HYDIN: variants seen among roughly 807,000 people sequenced by gnomAD.
HYDIN encodes axonemal central pair apparatus protein HYDIN.
Under a neutral mutation model 403.9 loss-of-function variants are expected in HYDIN, and 132 were observed. The observed-to-expected ratio is 0.33, with a 90% CI of 0.28 to 0.38. The LOEUF (loss-of-function observed/expected upper bound fraction) is 0.38. Among genes scored for constraint, HYDIN ranks in the 10% least tolerant of loss-of-function variants. HYDIN has a pLI of 1.00. For missense variants in HYDIN, 2,827 were observed against 5,009.5 expected (o/e 0.56, Z 13.15); for synonymous variants, 1,202 against 1,891.7 (o/e 0.64, Z 9.46).
At chr16:71,157,163 A>G (rs2085804409) in intron 6 of HYDIN, among the ~76,000 whole-genome samples, 1 of 151,792 alleles carries the variant, frequency 6.6e-6, no homozygotes, top group Admixed American at 6.6e-5. Flanking sequence ...TCACATTCGA[A>G]TAAGGGTAAC....
intron 78 of HYDIN, among the ~76,000 whole-genome samples, chr16:70,835,115 G>C (rs1323994787): frequency 6.7e-6 from 1 of 149,740 alleles, no homozygotes; most frequent in African/African-American, 2.5e-5. Context: ...CTCTGCCTCA[G>C]CCTCCTGAAT....
chr16:71,039,062 G>A (rs1052274258), intron 18 of HYDIN, among the ~76,000 whole-genome samples: 24 of 152,090 alleles, frequency 1.6e-4, no homozygotes, highest in Non-Finnish European at 3.1e-4. Context: ...AAGAAATGGT[G>A]TAGAGCTTTA....
At chr16:71,207,531 C>G (rs1567453295) in intron 1 of HYDIN, among the ~76,000 whole-genome samples, 1 of 152,156 alleles carries the variant, frequency 6.6e-6, no homozygotes. Flanking sequence ...TCATAATAAC[C>G]AGCTAACTAT....
intron 23 of HYDIN, among the ~76,000 whole-genome samples, chr16:70,999,875 C>G (rs182398813): frequency 1.3e-5 from 2 of 152,304 alleles, no homozygotes; most frequent in Admixed American, 1.3e-4. Context: ...TGCCCAGAAT[C>G]TACCTCGAAG....
intron 20 of HYDIN, among the ~76,000 whole-genome samples, chr16:71,026,905 A>G (rs1283690787): frequency 6.6e-6 from 1 of 152,064 alleles, no homozygotes; most frequent in African/African-American, 2.4e-5. Context: ...ATCTTAAGCA[A>G]GCATCATTTC....
intron 50 of HYDIN, among the ~76,000 whole-genome samples, chr16:70,906,537 G>A (rs74027005): frequency 4.9e-4 from 74 of 152,084 alleles, no homozygotes; most frequent in African/African-American, 1.7e-3. Flanking sequence ...TGCCATTGAT[G>A]GCCCTTCCCA....
chr16:70,886,188 G>A (rs1194348179), intron 58 of HYDIN, among the ~76,000 whole-genome samples: 6 of 152,006 alleles, frequency 3.9e-5, no homozygotes, highest in East Asian at 1.9e-4. Context: ...ACAGCTACCC[G>A]GAACAGCAAG....
rs957563293 is a variant in HYDIN, at chr16:71,178,938, T to C, written c.371A>G (p.Asn124Ser). Residue 124 changes from asparagine to serine, a missense_variant, in exon 4 of 86, where the codon AAC becomes AGC. Coordinates refer to ENST00000393567, the MANE Select transcript of HYDIN (RefSeq NM_001270974.2). ...AGTGAACATACTCACTTTGTCATTGTTCCTCAAAATCAGTGGAACTTCATA... is the reference window on the plus strand; with the variant it reads ...AGTGAACATACTCACTTTGTCATTGCTCCTCAAAATCAGTGGAACTTCATA... Reference protein sequence around the residue: ...EVYEVPLILRNNDKIPRLVKV... With the variant: ...EVYEVPLILRSNDKIPRLVKV... 21 of 1,611,896 alleles carry C rather than the reference T, an allele frequency of 1.3e-5. No individual in the cohort carries two copies. The highest frequency in any genetic ancestry group is 1.8e-5 in the Non-Finnish European group (21 of 1,179,006).
intron 1 of HYDIN, among the ~76,000 whole-genome samples, chr16:71,229,463 T>G (rs113291479): frequency 3.9e-5 from 6 of 152,334 alleles, no homozygotes; most frequent in African/African-American, 1.4e-4. Context: ...TATGGGAATA[T>G]TTATAACAGT....
At chr16:70,941,609 G>A in intron 43 of HYDIN, 27 bp downstream of exon 43, 2 of 1,458,482 alleles carry the variant, frequency 1.4e-6, no homozygotes, top group Admixed American at 2.6e-5. Context: ...TTTCACTTAA[G>A]CCCAATGGAA....
At chr16:70,829,457 C>T (rs1383307199) in intron 81 of HYDIN, among the ~76,000 whole-genome samples, 161 bp downstream of exon 81, 1 of 151,850 alleles carries the variant, frequency 6.6e-6, no homozygotes, top group East Asian at 1.9e-4. Flanking sequence ...TGGTCTTGAA[C>T]TACTGACCTC....
intron 10 of HYDIN, among the ~76,000 whole-genome samples, chr16:71,107,420 G>A (rs1179282220): frequency 3.3e-5 from 5 of 151,278 alleles, no homozygotes; most frequent in African/African-American, 1.2e-4. Context: ...TGCAAACTAT[G>A]CATCTGACAA....
chr16:70,822,780 T>C (rs567488508), intron 83 of HYDIN, among the ~76,000 whole-genome samples: 1 of 152,246 alleles, frequency 6.6e-6, no homozygotes, highest in Non-Finnish European at 1.5e-5. Flanking sequence ...CACTGAAGGC[T>C]CAGATGATCA....
intron 45 of HYDIN, among the ~76,000 whole-genome samples, chr16:70,930,403 C>A (rs1169846418): frequency 1.3e-5 from 2 of 152,112 alleles, no homozygotes; most frequent in African/African-American, 4.8e-5. Context: ...ATGGCTTGAA[C>A]CTGGGAGGCG....
chr16:71,207,988 C>T (rs537905078), intron 1 of HYDIN, among the ~76,000 whole-genome samples: 1 of 152,038 alleles, frequency 6.6e-6, no homozygotes, highest in African/African-American at 2.4e-5. Flanking sequence ...ATTTCAATAC[C>T]CTACTGACAG....
intron 43 of HYDIN, 193 bp downstream of exon 43, chr16:70,941,443 G>A (rs1231856920): frequency 7.4e-6 from 3 of 402,990 alleles, no homozygotes; most frequent in African/African-American, 6.2e-5. Flanking sequence ...GTGATGGGAG[G>A]GAAGCAGGAA....
intron 30 of HYDIN, among the ~76,000 whole-genome samples, chr16:70,976,171 G>A (rs1416571596): frequency 6.6e-6 from 1 of 152,240 alleles, no homozygotes; most frequent in Non-Finnish European, 1.5e-5. Flanking sequence ...ATGGTGTCAA[G>A]TCCTCTTACT....
intron 45 of HYDIN, among the ~76,000 whole-genome samples, chr16:70,925,159 A>C (rs1009839353): frequency 3.3e-5 from 5 of 152,018 alleles, no homozygotes; most frequent in African/African-American, 9.7e-5. Flanking sequence ...CAGAGCCTCA[A>C]AACGTTTTTT....
intron 85 of HYDIN, 43 bp from the exon 86 acceptor site, chr16:70,808,105 A>G: frequency 6.4e-7 from 1 of 1,555,856 alleles, no homozygotes; most frequent in East Asian, 2.3e-5. Context: ...GAGATCCTGA[A>G]GAGCACACCA....
Sources: allele counts gnomAD v4.1 joint callset (sites outside exome capture counted in the v4.1 genomes callset), GRCh38; gene constraint gnomAD v4.1.1; transcripts MANE v1.5; gene names NCBI Gene and HGNC (gene_info 2026-07-23, HGNC 2026-07-21).